Variants in GRID1 observed in about 807,000 individuals in gnomAD.
The protein encoded by GRID1 is glutamate receptor ionotropic, delta-1.
In GRID1, 28 loss-of-function variants were observed where a neutral mutation model predicts 98.0. That is an observed-to-expected ratio of 0.29 (90% CI 0.21 to 0.39). GRID1 has a LOEUF of 0.39. Among genes scored for constraint, GRID1 ranks in the 10% least tolerant of loss-of-function variants. The pLI, the probability that GRID1 is intolerant of heterozygous loss-of-function variation, is 1.00. For synonymous variants in GRID1, 553 were observed against 538.5 expected (o/e 1.03, Z -0.37); for missense variants, 1,111 against 1,340.5 (o/e 0.83, Z 2.67).
chr10:86,070,172 C>G (rs893589364), intron 4 of GRID1, among the ~76,000 whole-genome samples: 1 of 152,206 alleles, frequency 6.6e-6, no homozygotes, highest in Non-Finnish European at 1.5e-5. Flanking sequence ...CCTGTTATTC[C>G]TCCTCAGAGC....
chr10:85,758,686 G>C (rs753456667), intron 8 of GRID1, among the ~76,000 whole-genome samples: 5 of 152,204 alleles, frequency 3.3e-5, no homozygotes, highest in African/African-American at 1.2e-4. Context: ...GCAAAAGTGC[G>C]TGGGTACTGG....
intron 3 of GRID1, among the ~76,000 whole-genome samples, chr10:86,177,514 C>CAGAG (rs1479437466): frequency 6.6e-6 from 1 of 151,758 alleles, no homozygotes; most frequent in South Asian, 2.1e-4. Context: ...ATGAGAGAGA[C>CAGAG]AGAGATTTTG....
chr10:86,226,705 T>G (rs943369699), intron 2 of GRID1, among the ~76,000 whole-genome samples: 5 of 141,242 alleles, frequency 3.5e-5, no homozygotes, highest in African/African-American at 1.4e-4. Flanking sequence ...AGGAGTCACC[T>G]TGGACAAGTG....
intron 2 of GRID1, among the ~76,000 whole-genome samples, chr10:86,307,396 G>A (rs1847773020): frequency 6.6e-6 from 1 of 152,150 alleles, no homozygotes; most frequent in Admixed American, 6.6e-5. Flanking sequence ...GCAATAACAT[G>A]GGTGAACCTA....
intron 2 of GRID1, among the ~76,000 whole-genome samples, chr10:86,242,444 G>C (rs1236471692): frequency 6.6e-6 from 1 of 152,220 alleles, no homozygotes; most frequent in African/African-American, 2.4e-5. Flanking sequence ...GGACATCCAA[G>C]AAAGGACAAG....
At position 86,057,905 on chromosome 10, in the gene GRID1, T is replaced by C. The variant is rs142908819; in HGVS notation, c.726+80914A>G. ...CTTTGGCTTACGCATGCATGTTGAT[T>C]ATCTAACACTATGCCAGGCATGCGG... On this transcript the variant is annotated intron_variant, in intron 4 of 15. Transcript: ENST00000327946. 4.0e-3 allele frequency among the ~76,000 whole-genome samples: 603 copies of C among 152,298 alleles called. 3 individuals are homozygous for C. The highest frequency in any genetic ancestry group is 0.014 in the African/African-American group (570 of 41,554).
intron 2 of GRID1, among the ~76,000 whole-genome samples, chr10:86,222,820 C>A (rs948001549): frequency 6.6e-6 from 1 of 152,114 alleles, no homozygotes; most frequent in Non-Finnish European, 1.5e-5. Context: ...GGCAGGGCAC[C>A]CCCTTCCTCA....
intron 8 of GRID1, among the ~76,000 whole-genome samples, chr10:85,816,793 T>G (rs1842720333): frequency 6.6e-6 from 1 of 152,130 alleles, no homozygotes; most frequent in African/African-American, 2.4e-5. Flanking sequence ...TTCAAATAAT[T>G]TCATCATCCA....
intron 4 of GRID1, among the ~76,000 whole-genome samples, chr10:85,937,027 C>T (rs2131836058): frequency 1.3e-5 from 2 of 152,300 alleles, no homozygotes; most frequent in Non-Finnish European, 2.9e-5. Context: ...GGAGGCACCA[C>T]CAGCCAATAT....
intron 3 of GRID1, among the ~76,000 whole-genome samples, chr10:86,146,271 C>A (rs1053043336): frequency 2.0e-5 from 3 of 152,188 alleles, no homozygotes; most frequent in Admixed American, 6.5e-5. Context: ...TGAGACACAA[C>A]TTTGATTCCA....
At chr10:86,353,616 G>C (rs753233433) in intron 2 of GRID1, among the ~76,000 whole-genome samples, 1 of 152,186 alleles carries the variant, frequency 6.6e-6, no homozygotes, top group Non-Finnish European at 1.5e-5. Context: ...TGAGGCTCAG[G>C]TCCCTTCACA....
chr10:86,181,669 C>T (rs1402795851), intron 3 of GRID1, among the ~76,000 whole-genome samples: 2 of 152,176 alleles, frequency 1.3e-5, no homozygotes, highest in African/African-American at 4.8e-5. Flanking sequence ...AACAGAAACA[C>T]AGACACACAC....
intron 3 of GRID1, 78 bp from the exon 4 acceptor site, chr10:86,139,102 C>T (rs1589384905): frequency 2.1e-6 from 2 of 956,404 alleles, no homozygotes; most frequent in South Asian, 2.8e-5. Flanking sequence ...CTAACTGCAA[C>T]ACGTTCCACC....
chr10:85,999,957 C>T (rs1842785056), intron 4 of GRID1, among the ~76,000 whole-genome samples: 1 of 152,232 alleles, frequency 6.6e-6, no homozygotes, highest in Non-Finnish European at 1.5e-5. Context: ...CCCCATCTTA[C>T]TGGGAGCCCT....
At chr10:85,751,128 G>C (rs138100937) in intron 8 of GRID1, among the ~76,000 whole-genome samples, 218 of 152,278 alleles carry the variant, frequency 1.4e-3, no homozygotes, top group African/African-American at 5.0e-3. Context: ...GCAATCTCAG[G>C]AGAGAAGAGA....
chr10:85,760,936 A>G (rs997844164), intron 8 of GRID1, among the ~76,000 whole-genome samples: 43 of 152,302 alleles, frequency 2.8e-4, no homozygotes, highest in Middle Eastern at 3.4e-3. Context: ...CAAAGTGGAC[A>G]AATCTGCACT....
At chr10:85,661,367 T>A (rs1158881578) in intron 12 of GRID1, among the ~76,000 whole-genome samples, 1 of 152,170 alleles carries the variant, frequency 6.6e-6, no homozygotes, top group Non-Finnish European at 1.5e-5. Context: ...CTATAAGACT[T>A]ACTTTGTTTA....
intron 3 of GRID1, among the ~76,000 whole-genome samples, chr10:86,201,885 T>G (rs550624938): frequency 1.3e-5 from 2 of 150,446 alleles, no homozygotes; most frequent in South Asian, 4.3e-4. Flanking sequence ...ATCGGGAGAG[T>G]GTTTAAGTCC....
At chr10:86,292,080 A>G (rs1589439117) in intron 2 of GRID1, among the ~76,000 whole-genome samples, 1 of 152,244 alleles carries the variant, frequency 6.6e-6, no homozygotes, top group Non-Finnish European at 1.5e-5. Context: ...ACACAGGGTC[A>G]GGGAAGCCCC....
Sources: allele counts gnomAD v4.1 joint callset (sites outside exome capture counted in the v4.1 genomes callset), GRCh38; gene constraint gnomAD v4.1.1; transcripts MANE v1.5; gene names NCBI Gene and HGNC (gene_info 2026-07-23, HGNC 2026-07-21).